Variants in CNTN1 observed in about 807,000 individuals in gnomAD.
CNTN1 encodes the protein contactin 1.
A neutral mutation model predicts 126.4 loss-of-function variants in CNTN1; 38 were observed. The ratio of observed to expected loss-of-function variants is 0.30; its 90% CI spans 0.23 to 0.39. The LOEUF (loss-of-function observed/expected upper bound fraction) is 0.39. Ranked by LOEUF, CNTN1 falls within the 10% of genes least tolerant of loss-of-function variation. The probability of loss-of-function intolerance (pLI) is 1.00; values close to 1 mark genes in which losing one functional copy is unlikely to be tolerated. For missense variants in CNTN1, 1,009 were observed against 1,248.4 expected, an observed-to-expected ratio of 0.81 and a Z score of 2.89; for synonymous variants, 413 against 422.6, an observed-to-expected ratio of 0.98 and a Z score of 0.28.
intron 1 of CNTN1, among the ~76,000 whole-genome samples, chr12:40,857,619 C>A (rs1259757763): frequency 4.6e-5 from 7 of 152,100 alleles, no homozygotes; most frequent in Non-Finnish European, 2.9e-5. Flanking sequence ...TGGAAAAAGT[C>A]AAGTCAGAAC....
intron 1 of CNTN1, among the ~76,000 whole-genome samples, chr12:40,784,783 G>T (rs957974099): frequency 6.6e-6 from 1 of 152,106 alleles, no homozygotes; most frequent in Admixed American, 6.6e-5. Flanking sequence ...TCAAAGAAAT[G>T]TACTTACCCA....
chr12:40,827,464 C>A (rs1474806400), intron 1 of CNTN1, among the ~76,000 whole-genome samples: 14 of 152,014 alleles, frequency 9.2e-5, no homozygotes, highest in Admixed American at 9.2e-4. Flanking sequence ...TTTTCTCTTT[C>A]TTTCATTTAT....
intron 3 of CNTN1, among the ~76,000 whole-genome samples, chr12:40,915,273 G>A (rs145780459): frequency 2.0e-5 from 3 of 152,102 alleles, no homozygotes; most frequent in East Asian, 3.9e-4. Context: ...AGTAATCAAA[G>A]CAATTCTGAA....
In CNTN1 at chr12:40,936,861, G is replaced by A. The variant is rs748472367; in HGVS notation, c.1066G>A (p.Gly356Arg). Residue 356 changes from glycine to arginine, a missense_variant, in exon 10 of 24, where the codon GGA becomes AGA. By Grantham distance (125) the Gly-to-Arg change is moderately radical. Transcript: ENST00000551295. ...SDLYWPCVAT[G>R]KPIPTIRWLK... ...TCTCTACTGGCCTTGTGTGGCCACA[G>A]GAAAGCCCATCCCTACAATCCGATG... The A allele has an allele frequency of 6.2e-7, 1 of 1,613,346 alleles. No individual in the cohort carries two copies. The highest frequency in any genetic ancestry group is 8.5e-7 in the Non-Finnish European group (1 of 1,179,454).
rs1236436021 is a variant in CNTN1, at chr12:40,933,850, T to C, written c.957T>C (p.Asp319=). Reference sequence around the variant, plus strand: ...AGGCTGAGAACATTAGAGGAAAGGATAAACATCAAGCAAGAATTTATGTTC... The same window carrying C: ...AGGCTGAGAACATTAGAGGAAAGGACAAACATCAAGCAAGAATTTATGTTC... ...ECEAENIRGK[D]KHQARIYVQA... is the part of the protein sequence containing the mutation. Residue 319 remains aspartate (D), a synonymous_variant, in exon 9 of 24, where the codon GAT becomes GAC. Transcript: ENST00000551295. 2.5e-6 allele frequency: 4 copies of C among 1,612,150 alleles called. No homozygotes were observed. In the African/African-American group the frequency reaches 4.0e-5, roughly 16 times the overall value.
At chr12:40,947,772 TATATATATATACACACACACAC>T (rs1302900825) in intron 14 of CNTN1, among the ~76,000 whole-genome samples, 3 of 72,192 alleles carry the variant, frequency 4.2e-5, no homozygotes, top group Non-Finnish European at 7.7e-5. Flanking sequence ...TTCATATATA[TATATATATATACACACACACAC>T]ACACACACAC....
intron 1 of CNTN1, among the ~76,000 whole-genome samples, chr12:40,707,046 GCACACA>G (rs59993134): frequency 0.24 from 35,329 of 149,046 alleles, 4,419 homozygotes; most frequent in Middle Eastern, 0.29. Context: ...GCGCGCTTGC[GCACACA>G]CACACACACA....
At chr12:40,896,735 A>C (rs17128911) in intron 1 of CNTN1, among the ~76,000 whole-genome samples, 14,634 of 152,292 alleles carry the variant, frequency 0.096, 958 homozygotes, top group East Asian at 0.16. Context: ...TTCAACTGGA[A>C]GTGGCCTTGC....
chr12:40,804,613 A>G (rs770522892), intron 1 of CNTN1, among the ~76,000 whole-genome samples: 2 of 151,914 alleles, frequency 1.3e-5, no homozygotes, highest in Non-Finnish European at 2.9e-5. Context: ...GCATCAAGAG[A>G]GCAGGGCTTA....
intron 1 of CNTN1, among the ~76,000 whole-genome samples, chr12:40,803,426 A>C (rs752992323): frequency 3.3e-5 from 5 of 151,948 alleles, no homozygotes; most frequent in Non-Finnish European, 5.9e-5. Flanking sequence ...TTTAATGTTT[A>C]ATTTTGCTTT....
At chr12:40,720,003 A>ATTTTTTTTTTT (rs561694238) in intron 1 of CNTN1, among the ~76,000 whole-genome samples, 19 of 127,216 alleles carry the variant, frequency 1.5e-4, no homozygotes, top group South Asian at 5.1e-4. Context: ...CGCCCGGTTA[A>ATTTTTTTTTTT]TTTTTTTTTT....
chr12:40,744,141 G>T (rs1178669491), intron 1 of CNTN1, among the ~76,000 whole-genome samples: 1 of 151,972 alleles, frequency 6.6e-6, no homozygotes. Context: ...TCAGTAGCAG[G>T]GGTAGAGGGA....
intron 1 of CNTN1, among the ~76,000 whole-genome samples, chr12:40,759,410 T>A (rs1290218413): frequency 6.6e-6 from 1 of 151,928 alleles, no homozygotes; most frequent in African/African-American, 2.4e-5. Flanking sequence ...TTTTCCTTTT[T>A]TTCTCTTTCT....
At chr12:40,839,287 T>G (rs933046915) in intron 1 of CNTN1, among the ~76,000 whole-genome samples, 2 of 152,102 alleles carry the variant, frequency 1.3e-5, no homozygotes, top group African/African-American at 4.8e-5. Context: ...TGAGACAACA[T>G]AAAACCATTG....
intron 3 of CNTN1, among the ~76,000 whole-genome samples, chr12:40,917,069 G>T (rs1468864484): frequency 8.0e-6 from 1 of 125,384 alleles, no homozygotes; most frequent in Non-Finnish European, 1.7e-5. Context: ...GGCGGGGGGG[G>T]GGGCAGAACT....
intron 1 of CNTN1, among the ~76,000 whole-genome samples, chr12:40,760,835 G>GCACACACA (rs1165228762): frequency 0.13 from 19,230 of 150,448 alleles, 1,372 homozygotes; most frequent in East Asian, 0.23. Flanking sequence ...TCAAAATAAT[G>GCACACACA]CACACACACA....
At chr12:40,880,682 A>G (rs1943841945) in intron 1 of CNTN1, among the ~76,000 whole-genome samples, 3 of 152,062 alleles carry the variant, frequency 2.0e-5, no homozygotes, top group Admixed American at 6.6e-5. Context: ...GCTGACCAAG[A>G]AAAGAACAGG....
At chr12:41,020,937 C>A (rs1014048812) in intron 20 of CNTN1, among the ~76,000 whole-genome samples, 2 of 152,122 alleles carry the variant, frequency 1.3e-5, no homozygotes, top group African/African-American at 4.8e-5. Flanking sequence ...TTCCCTTGAG[C>A]TTAATTTTAA....
At chr12:40,908,737 T>C (rs992007714) in intron 2 of CNTN1, among the ~76,000 whole-genome samples, 2 of 152,080 alleles carry the variant, frequency 1.3e-5, no homozygotes, top group Non-Finnish European at 2.9e-5. Flanking sequence ...TCTGGGGAGA[T>C]CCCTGGAGTG....
Sources: allele counts gnomAD v4.1 joint callset (sites outside exome capture counted in the v4.1 genomes callset), GRCh38; gene constraint gnomAD v4.1.1; transcripts MANE v1.5; gene names NCBI Gene and HGNC (gene_info 2026-07-23, HGNC 2026-07-21).